Variants in MYH7B observed in about 807,000 individuals in gnomAD.
MYH7B encodes the protein myosin heavy chain 7B.
Under a neutral mutation model 234.5 loss-of-function variants are expected in MYH7B, and 205 were observed. The ratio of observed to expected loss-of-function variants is 0.87; its 90% CI spans 0.78 to 0.98. MYH7B has a LOEUF of 0.98. Among genes scored for constraint, MYH7B ranks in the 50% least tolerant of loss-of-function variants. MYH7B has a pLI of 0.00. For missense variants in MYH7B, 2,652 were observed against 2,633.4 expected, an observed-to-expected ratio of 1.01 and a Z score of -0.15; for synonymous variants, 1,193 against 1,105.0, an observed-to-expected ratio of 1.08 and a Z score of -1.58.
chr20:34,965,572 C>G (rs1046823221), intron 2 of MYH7B, among the ~76,000 whole-genome samples: 1 of 152,250 alleles, frequency 6.6e-6, no homozygotes, highest in Non-Finnish European at 1.5e-5. Context: ...CAAGAAAGAC[C>G]TGTCTTGTGG....
chr20:34,957,484 C>CTTTTTTTTTT (rs71196770), intron 1 of MYH7B, among the ~76,000 whole-genome samples: 1 of 104,334 alleles, frequency 9.6e-6, no homozygotes, highest in Non-Finnish European at 1.9e-5. Flanking sequence ...CCTTTTGACT[C>CTTTTTTTTTT]TTTTTTTTTT....
chr20:34,993,370 G>A (rs2082192985), exon 26 of MYH7B: 1 of 1,613,928 alleles, frequency 6.2e-7, no homozygotes. Flanking sequence ...CGTCCTGGAA[G>A]AGCTCCGTGA....
chr20:34,997,203 G>C, intron 31 of MYH7B, 30 bp downstream of exon 31: 1 of 1,552,204 alleles, frequency 6.4e-7, no homozygotes, highest in South Asian at 1.2e-5. Context: ...GTGAGGCCTG[G>C]GGTCAGAGGC....
chr20:34,981,245 G>A (rs1440073080), intron 9 of MYH7B, 185 bp downstream of exon 9: 1 of 660,764 alleles, frequency 1.5e-6, no homozygotes, highest in African/African-American at 1.8e-5. Context: ...ATTCTGAACA[G>A]ATGTGTTCTT....
At chr20:34,993,126 C>T in exon 25 of MYH7B, 3 of 1,613,852 alleles carry the variant, frequency 1.9e-6, no homozygotes, top group Non-Finnish European at 2.5e-6. Flanking sequence ...ACCCCAGTGC[C>T]ATCCCGGATG....
exon 7 of MYH7B, chr20:34,979,673 C>T (rs1280435041): frequency 1.2e-6 from 2 of 1,613,978 alleles, no homozygotes; most frequent in Admixed American, 1.7e-5. Context: ...GCTGATGGTG[C>T]GTGAAGCCGA....
intron 17 of MYH7B, 45 bp downstream of exon 17, chr20:34,987,720 G>T (rs1183251259): frequency 1.2e-6 from 2 of 1,613,244 alleles, no homozygotes; most frequent in Non-Finnish European, 1.7e-6. Flanking sequence ...GCCGGGCAGG[G>T]TCCCCTCCTT....
At chr20:34,985,681 A>G (rs1047138469) in intron 13 of MYH7B, among the ~76,000 whole-genome samples, 1 of 152,176 alleles carries the variant, frequency 6.6e-6, no homozygotes, top group Non-Finnish European at 1.5e-5. Context: ...ATTGGGCTGC[A>G]TGGCTAGGTC....
At chr20:34,998,615 G>C in exon 34 of MYH7B, 1 of 1,613,252 alleles carries the variant, frequency 6.2e-7, no homozygotes, top group Non-Finnish European at 8.5e-7. Context: ...GCGCCAGCTA[G>C]AGGAGGAAAG....
chr20:34,957,727 T>C (rs1480527861), intron 1 of MYH7B, among the ~76,000 whole-genome samples: 1 of 152,082 alleles, frequency 6.6e-6, no homozygotes, highest in Non-Finnish European at 1.5e-5. Context: ...TGAGCTCAGG[T>C]GATCCACCCG....
At chr20:34,993,682 G>A (rs935886761) in intron 26 of MYH7B, among the ~76,000 whole-genome samples, 5 of 152,256 alleles carry the variant, frequency 3.3e-5, no homozygotes, top group Admixed American at 1.3e-4. Context: ...GGACATCAGC[G>A]TGTGGCCCGG....
Position 34,964,485 on chromosome 20 carries a change from C to G in MYH7B, c.-222+6273C>G, listed in dbSNP as rs754921536. On this transcript the variant is annotated intron_variant, in intron 2 of 44. Transcript: ENST00000262873. ...GAATGTTGGGGGCAGGCTGACAACT[C>G]TAGATGTGGGAGAGGACGGTTGTCA... Among the ~76,000 whole-genome samples, 7 of 152,244 alleles carry G rather than the reference C, an allele frequency of 4.6e-5. No homozygotes were observed. In the South Asian group the frequency reaches 1.5e-3, roughly 32 times the overall value.
intron 24 of MYH7B, among the ~76,000 whole-genome samples, chr20:34,991,369 A>G (rs1490148916): frequency 2.6e-5 from 4 of 152,212 alleles, no homozygotes; most frequent in Non-Finnish European, 5.9e-5. Context: ...TAAGCTGGAC[A>G]TGGAATTCTG....
In MYH7B at chr20:35,002,142, T is replaced by C. The variant is rs1230209933; in HGVS notation, c.5815-35T>C. Reference sequence around the variant, plus strand: ...CAGGGGGACTGTGGGGGCTGACAGGTAGTACTGCTCACTCAGCTATCCCTT... The same window carrying C: ...CAGGGGGACTGTGGGGGCTGACAGGCAGTACTGCTCACTCAGCTATCCCTT... On this transcript the variant is annotated intron_variant, in intron 44 of 44. Coordinates refer to ENST00000262873, the Ensembl canonical transcript of MYH7B. 3 of 1,602,028 alleles carry C rather than the reference T, an allele frequency of 1.9e-6. No homozygotes were observed. In the African/African-American group the frequency reaches 4.0e-5, roughly 21 times the overall value.
chr20:34,988,807 T>C (rs59328554), intron 19 of MYH7B, among the ~76,000 whole-genome samples: 265 of 7,474 alleles, frequency 0.035, 7 homozygotes, highest in African/African-American at 0.32. Context: ...CCTTTATCCC[T>C]TTTTTTTTTT....
At chr20:34,962,513 T>C (rs2081707122) in intron 2 of MYH7B, among the ~76,000 whole-genome samples, 1 of 152,236 alleles carries the variant, frequency 6.6e-6, no homozygotes, top group Non-Finnish European at 1.5e-5. Flanking sequence ...TTATATAAAA[T>C]GATGCAGTGT....
chr20:34,994,489 G>A, intron 27 of MYH7B, 88 bp downstream of exon 27: 1 of 1,418,554 alleles, frequency 7.0e-7, no homozygotes, highest in Non-Finnish European at 9.4e-7. Flanking sequence ...GACCCATGGG[G>A]CTCAGGCCTT....
chr20:34,990,441 C>T (rs367751793), intron 22 of MYH7B, 131 bp downstream of exon 22: 27 of 1,018,262 alleles, frequency 2.7e-5, no homozygotes, highest in Admixed American at 1.0e-4. Flanking sequence ...CTCCTCTCCA[C>T]GTGAACATCA....
At chr20:34,979,583 G>C in intron 6 of MYH7B, 78 bp from the exon 7 acceptor site, 1 of 1,606,068 alleles carries the variant, frequency 6.2e-7, no homozygotes, top group South Asian at 1.1e-5. Context: ...AGGGGGTCTG[G>C]GTATGTGGGT....
Sources: gnomAD v4.1 joint callset for allele counts (sites outside exome capture counted in the v4.1 genomes callset) on GRCh38, gnomAD v4.1.1 for gene constraint, MANE v1.5 for transcripts, NCBI Gene and HGNC (gene_info 2026-07-23, HGNC 2026-07-21) for gene names.